Variants in SRBD1 observed in about 807,000 individuals in gnomAD.
The protein encoded by SRBD1 is S1 RNA binding domain 1.
Under a neutral mutation model 115.3 loss-of-function variants are expected in SRBD1, and 88 were observed. That is an observed-to-expected ratio of 0.76 (90% CI 0.64 to 0.91). The LOEUF is 0.91. Ranked by LOEUF, SRBD1 falls within the 40% of genes least tolerant of loss-of-function variation. The pLI is 0.00. For missense variants in SRBD1, 1,385 were observed against 1,177.4 expected (o/e 1.18, Z -2.58); for synonymous variants, 509 against 407.7 (o/e 1.25, Z -2.99).
At chr2:45,464,070 C>T (rs1669406633) in intron 16 of SRBD1, among the ~76,000 whole-genome samples, 1 of 151,988 alleles carries the variant, frequency 6.6e-6, no homozygotes, top group South Asian at 2.1e-4. Context: ...TACCTCTGAT[C>T]TGTCCTGGTA....
rs539132503 is a variant in SRBD1 at position 45,453,331 on chromosome 2, T to C, written c.2049+23662A>G. Among the ~76,000 whole-genome samples the C allele has an allele frequency of 5.3e-5, 8 of 151,726 alleles. No individual in the cohort carries two copies. In the South Asian group the frequency reaches 1.5e-3, roughly 28 times the overall value. ...AAGAAAGACTCCACTAGAATGCTTG[T>C]CAATCATGACAGACTCCTTGGTGGC... On this transcript the variant is annotated intron_variant, in intron 16 of 20. Coordinates refer to ENST00000263736, the MANE Select transcript of SRBD1 (RefSeq NM_018079.5).
chr2:45,464,872 T>G (rs533657036), intron 16 of SRBD1, among the ~76,000 whole-genome samples: 1 of 151,810 alleles, frequency 6.6e-6, no homozygotes, highest in Admixed American at 6.6e-5. Context: ...CCTAATAAAA[T>G]AAGAAAAAAA....
intron 14 of SRBD1, among the ~76,000 whole-genome samples, chr2:45,531,727 C>T (rs893297012): frequency 1.4e-4 from 22 of 151,828 alleles, no homozygotes; most frequent in African/African-American, 5.3e-4. Flanking sequence ...CTAGAACAGA[C>T]AACAGCCTCT....
intron 16 of SRBD1, among the ~76,000 whole-genome samples, chr2:45,461,179 A>T (rs1669303701): frequency 6.6e-6 from 1 of 152,238 alleles, no homozygotes; most frequent in South Asian, 2.1e-4. Flanking sequence ...CTGAAGAGAA[A>T]TGTGGTGTGC....
chr2:45,555,143 T>C (rs1672432379), intron 10 of SRBD1, among the ~76,000 whole-genome samples: 1 of 152,204 alleles, frequency 6.6e-6, no homozygotes, highest in Admixed American at 6.5e-5. Flanking sequence ...TCCCAGAGTA[T>C]GGCCTTCCAG....
intron 19 of SRBD1, among the ~76,000 whole-genome samples, chr2:45,404,803 C>A (rs1186481588): frequency 1.3e-5 from 2 of 152,070 alleles, no homozygotes; most frequent in African/African-American, 2.4e-5. Flanking sequence ...CCTCCCAATG[C>A]CCTTTTGACT....
At chr2:45,522,754 T>G in intron 14 of SRBD1, among the ~76,000 whole-genome samples, 1 of 152,198 alleles carries the variant, frequency 6.6e-6, no homozygotes, top group African/African-American at 2.4e-5. Context: ...AATAAGTATA[T>G]TTTCTCTTTC....
At chr2:45,560,251 C>T (rs1672619253) in intron 10 of SRBD1, among the ~76,000 whole-genome samples, 1 of 152,016 alleles carries the variant, frequency 6.6e-6, no homozygotes, top group South Asian at 2.1e-4. Flanking sequence ...AAATAAATCA[C>T]TGTAAAAAAA....
At chr2:45,451,922 T>C (rs1257412124) in intron 16 of SRBD1, among the ~76,000 whole-genome samples, 1 of 151,970 alleles carries the variant, frequency 6.6e-6, no homozygotes, top group East Asian at 1.9e-4. Flanking sequence ...GAGGTAAAAA[T>C]AAAAATTGTG....
chr2:45,561,163 A>T (rs748943540), intron 10 of SRBD1, among the ~76,000 whole-genome samples: 2 of 152,156 alleles, frequency 1.3e-5, no homozygotes, highest in Non-Finnish European at 2.9e-5. Flanking sequence ...TAATATAAAG[A>T]CACTTATTTG....
intron 14 of SRBD1, among the ~76,000 whole-genome samples, chr2:45,501,223 G>A (rs1670620612): frequency 1.3e-5 from 2 of 152,078 alleles, no homozygotes; most frequent in Admixed American, 6.5e-5. Flanking sequence ...GCATACTTGG[G>A]ATGAATCTCA....
chr2:45,513,191 G>A (rs1288582129), intron 14 of SRBD1, among the ~76,000 whole-genome samples: 1 of 152,074 alleles, frequency 6.6e-6, no homozygotes, highest in East Asian at 1.9e-4. Context: ...CATATCCATA[G>A]GATAGCATGC....
intron 18 of SRBD1, among the ~76,000 whole-genome samples, chr2:45,414,522 GTATA>G (rs989101790): frequency 3.8e-4 from 57 of 148,094 alleles, no homozygotes; most frequent in African/African-American, 1.0e-3. Flanking sequence ...CACATAGTGT[GTATA>G]TAGTGTGTGT....
chr2:45,592,846 C>T (rs181230172), intron 4 of SRBD1, among the ~76,000 whole-genome samples: 2 of 152,160 alleles, frequency 1.3e-5, no homozygotes, highest in Non-Finnish European at 2.9e-5. Flanking sequence ...AATGCAAATT[C>T]TTGGGTCCCA....
At chr2:45,439,940 T>C (rs1668610258) in intron 16 of SRBD1, among the ~76,000 whole-genome samples, 1 of 152,164 alleles carries the variant, frequency 6.6e-6, no homozygotes, top group Non-Finnish European at 1.5e-5. Flanking sequence ...TATAGAACAC[T>C]TCTGGTTTTT....
At chr2:45,451,509 A>G (rs909765235) in intron 16 of SRBD1, among the ~76,000 whole-genome samples, 9 of 152,066 alleles carry the variant, frequency 5.9e-5, no homozygotes, top group African/African-American at 2.2e-4. Context: ...TTTGTGGAAG[A>G]GAGATAGCAT....
rs751296456 is a variant in SRBD1, at chr2:45,389,617, T to A, written c.2699-18A>T. ...ATCAAAATCTGTAAGAGAAAAAAAG[T>A]AAGTGTAAATAAGGCATTGTACTTC... On this transcript the variant is annotated intron_variant, in intron 20 of 20. Transcript: ENST00000263736. The A allele has an allele frequency of 8.1e-6, 13 of 1,604,746 alleles. No homozygotes were observed. The Admixed American group carries it at 2.2e-4, about 27-fold the overall frequency.
At chr2:45,464,619 G>GA (rs565479909) in intron 16 of SRBD1, among the ~76,000 whole-genome samples, 10 of 152,130 alleles carry the variant, frequency 6.6e-5, no homozygotes, top group Non-Finnish European at 1.5e-4. Context: ...CTTTGAGACA[G>GA]ATTACATTTT....
At chr2:45,474,944 A>G (rs978334713) in intron 16 of SRBD1, among the ~76,000 whole-genome samples, 3 of 152,210 alleles carry the variant, frequency 2.0e-5, no homozygotes, top group Admixed American at 1.3e-4. Context: ...GTGTAATTAA[A>G]GAATATCATT....
Sources: allele counts gnomAD v4.1 joint callset (sites outside exome capture counted in the v4.1 genomes callset), GRCh38; gene constraint gnomAD v4.1.1; transcripts MANE v1.5; gene names NCBI Gene and HGNC (gene_info 2026-07-23, HGNC 2026-07-21).